The following ITGBL1 variants were observed in gnomAD, a reference collection of about 807,000 sequenced individuals.
ITGBL1 encodes the protein integrin subunit beta like 1, also known as integrin beta-like protein 1.
A neutral mutation model predicts 68.5 loss-of-function variants in ITGBL1; 51 were observed. The observed-to-expected ratio is 0.74, with a 90% CI of 0.59 to 0.94. The LOEUF is 0.94. Ranked by LOEUF, ITGBL1 falls within the 40% of genes least tolerant of loss-of-function variation. The pLI is 0.00. For missense variants in ITGBL1, 649 were observed against 647.4 expected, an observed-to-expected ratio of 1.00 and a Z score of -0.03; for synonymous variants, 209 against 227.3, an observed-to-expected ratio of 0.92 and a Z score of 0.72.
intron 2 of ITGBL1, among the ~76,000 whole-genome samples, chr13:101,564,913 G>A (rs1466500450): frequency 6.6e-6 from 1 of 151,822 alleles, no homozygotes; most frequent in Non-Finnish European, 1.5e-5. Flanking sequence ...TTGCAAATAA[G>A]CATATGAAAG....
chr13:101,533,316 C>T (rs1308681147), intron 2 of ITGBL1, among the ~76,000 whole-genome samples: 1 of 152,160 alleles, frequency 6.6e-6, no homozygotes, highest in African/African-American at 2.4e-5. Context: ...ACAACATTAT[C>T]AAGCTTTTCT....
intron 7 of ITGBL1, among the ~76,000 whole-genome samples, chr13:101,632,655 A>C (rs1260697318): frequency 6.6e-6 from 1 of 152,216 alleles, no homozygotes; most frequent in Non-Finnish European, 1.5e-5. Flanking sequence ...TAAAGACAAC[A>C]ATATGGATTT....
chr13:101,463,269 A>G (rs7336705), intron 2 of ITGBL1, among the ~76,000 whole-genome samples: 12,351 of 152,070 alleles, frequency 0.081, 1,501 homozygotes, highest in African/African-American at 0.26. Flanking sequence ...AATTACTCTG[A>G]TAGTCTTTGA....
At chr13:101,574,725 G>A (rs1316340228) in intron 3 of ITGBL1, among the ~76,000 whole-genome samples, 3 of 152,064 alleles carry the variant, frequency 2.0e-5, no homozygotes, top group Non-Finnish European at 4.4e-5. Flanking sequence ...ATTACATTTG[G>A]GGGATGTGGT....
At chr13:101,624,044 A>G (rs530182927) in intron 7 of ITGBL1, among the ~76,000 whole-genome samples, 126 of 152,350 alleles carry the variant, frequency 8.3e-4, no homozygotes, top group Non-Finnish European at 1.6e-3. Flanking sequence ...TGATTTGTAC[A>G]GGATGACCTA....
At chr13:101,475,483 GGA>G (rs977516269) in intron 2 of ITGBL1, among the ~76,000 whole-genome samples, 3 of 151,754 alleles carry the variant, frequency 2.0e-5, no homozygotes, top group African/African-American at 7.3e-5. Context: ...AGGAGAAGGG[GGA>G]GAGAGAGATC....
At chr13:101,670,101 C>A (rs1194113618) in intron 7 of ITGBL1, among the ~76,000 whole-genome samples, 1 of 152,172 alleles carries the variant, frequency 6.6e-6, no homozygotes, top group Non-Finnish European at 1.5e-5. Flanking sequence ...ATAACTTGAT[C>A]TGTTCTCTTG....
intron 7 of ITGBL1, among the ~76,000 whole-genome samples, chr13:101,648,405 T>G (rs919579833): frequency 1.3e-5 from 2 of 152,124 alleles, no homozygotes; most frequent in Non-Finnish European, 2.9e-5. Flanking sequence ...TTAACACAGA[T>G]TGGGCATAAC....
intron 9 of ITGBL1, among the ~76,000 whole-genome samples, chr13:101,707,447 T>C (rs909733864): frequency 1.6e-4 from 25 of 152,100 alleles, no homozygotes; most frequent in Admixed American, 1.2e-3. Flanking sequence ...AGAAAAGCTA[T>C]GGGGGAGGGG....
chr13:101,628,736 A>G (rs1311594102), intron 7 of ITGBL1, among the ~76,000 whole-genome samples: 1 of 150,088 alleles, frequency 6.7e-6, no homozygotes, highest in Non-Finnish European at 1.5e-5. Context: ...CACCACACCC[A>G]GCCCTCTCTT....
intron 4 of ITGBL1, among the ~76,000 whole-genome samples, chr13:101,576,483 C>A (rs1263318603): frequency 1.3e-5 from 2 of 152,172 alleles, no homozygotes; most frequent in African/African-American, 4.8e-5. Context: ...GTAAATTTTT[C>A]TCTGCTCTGA....
chr13:101,704,935 T>G (rs976330931), intron 8 of ITGBL1, among the ~76,000 whole-genome samples: 2 of 152,192 alleles, frequency 1.3e-5, no homozygotes, highest in African/African-American at 4.8e-5. Flanking sequence ...TTTATTTACT[T>G]TTTTCCTTTT....
chr13:101,494,259 C>T (rs865981494), intron 2 of ITGBL1, among the ~76,000 whole-genome samples: 4 of 152,174 alleles, frequency 2.6e-5, no homozygotes, highest in South Asian at 2.1e-4. Flanking sequence ...TCAAAATTAG[C>T]TCATATTTCA....
At chr13:101,513,616 A>C (rs1284328941) in intron 2 of ITGBL1, among the ~76,000 whole-genome samples, 1 of 152,148 alleles carries the variant, frequency 6.6e-6, no homozygotes, top group Non-Finnish European at 1.5e-5. Context: ...TTCATTAATC[A>C]AAATTACTTA....
At chr13:101,705,415 T>C (rs1206839644) in intron 8 of ITGBL1, among the ~76,000 whole-genome samples, 2 of 151,862 alleles carry the variant, frequency 1.3e-5, no homozygotes, top group Non-Finnish European at 2.9e-5. Context: ...TACCACGTCC[T>C]ACCGATCCGC....
chr13:101,718,730 C>T (rs936362203), downstream of ITGBL1: 3 of 150,924 alleles, frequency 2.0e-5, no homozygotes, highest in African/African-American at 7.3e-5. Flanking sequence ...ACCTCAAATG[C>T]AAACACAATC....
chr13:101,607,367 C>T (rs561875028), intron 7 of ITGBL1, among the ~76,000 whole-genome samples: 74 of 151,998 alleles, frequency 4.9e-4, no homozygotes, highest in Non-Finnish European at 9.0e-4. Context: ...TGTTACATGC[C>T]AATTTATTGG....
intron 2 of ITGBL1, among the ~76,000 whole-genome samples, chr13:101,538,019 CACAT>C (rs1446365473): frequency 2.0e-5 from 3 of 151,922 alleles, no homozygotes; most frequent in African/African-American, 7.2e-5. Flanking sequence ...TGTCTATGCA[CACAT>C]ACATCATAAT....
intron 2 of ITGBL1, among the ~76,000 whole-genome samples, chr13:101,481,854 T>C (rs887450104): frequency 6.6e-6 from 1 of 152,188 alleles, no homozygotes; most frequent in Non-Finnish European, 1.5e-5. Flanking sequence ...TATTTCAATA[T>C]ATGTATACAA....
Sources: gnomAD v4.1 joint callset for allele counts (sites outside exome capture counted in the v4.1 genomes callset) on GRCh38, gnomAD v4.1.1 for gene constraint, MANE v1.5 for transcripts, NCBI Gene and HGNC (gene_info 2026-07-23, HGNC 2026-07-21) for gene names.